The following DOCK5 variants were observed in gnomAD, a reference collection of about 807,000 sequenced individuals.
DOCK5 encodes the protein dedicator of cytokinesis protein 5.
A neutral mutation model predicts 251.8 loss-of-function variants in DOCK5; 142 were observed. The ratio of observed to expected loss-of-function variants is 0.56; its 90% CI spans 0.49 to 0.65. DOCK5 has a LOEUF of 0.65. Ranked by LOEUF, DOCK5 falls within the 30% of genes least tolerant of loss-of-function variation. The probability of loss-of-function intolerance (pLI) is 0.00; values close to 1 mark genes in which losing one functional copy is unlikely to be tolerated. For missense variants in DOCK5, 2,111 were observed against 2,312.3 expected, an observed-to-expected ratio of 0.91 and a Z score of 1.79; for synonymous variants, 842 against 835.5, an observed-to-expected ratio of 1.01 and a Z score of -0.13.
intron 40 of DOCK5, among the ~76,000 whole-genome samples, chr8:25,384,620 C>T (rs1472487762): frequency 6.6e-6 from 1 of 151,720 alleles, no homozygotes; most frequent in Non-Finnish European, 1.5e-5. Context: ...CGACCAGGCC[C>T]AGCTAATTTT....
intron 1 of DOCK5, among the ~76,000 whole-genome samples, chr8:25,230,232 G>A (rs929183310): frequency 1.3e-5 from 2 of 152,092 alleles, no homozygotes; most frequent in African/African-American, 4.8e-5. Flanking sequence ...CAGGAGTTTT[G>A]CAATGTCATC....
In DOCK5 at chr8:25,323,843, T is replaced by G. The variant is rs1162411874; in HGVS notation, c.1616-5T>G. The G allele has an allele frequency of 6.2e-7, 1 of 1,612,258 alleles. No individual in the cohort carries two copies. On this transcript the variant is annotated splice_polypyrimidine_tract_variant and splice_region_variant and intron_variant, in intron 16 of 51. Transcript: ENST00000276440. ...CTGCTCAGACATGTCTTTCTGCCTT[T>G]TCAGCCAGAGATAAATCGGAGCGAG...
chr8:25,291,244 T>A (rs2117149944), intron 5 of DOCK5, among the ~76,000 whole-genome samples: 1 of 152,262 alleles, frequency 6.6e-6, no homozygotes. Flanking sequence ...GACCCACTGT[T>A]TACCCTACAA....
chr8:25,389,267 C>T (rs373398734), intron 41 of DOCK5, 35 bp downstream of exon 41: 8 of 1,604,870 alleles, frequency 5.0e-6, no homozygotes, highest in Non-Finnish European at 6.0e-6. Flanking sequence ...CCCCGAGGCT[C>T]TTATGGCTGT....
At chr8:25,259,666 G>A (rs1235795251) in intron 2 of DOCK5, among the ~76,000 whole-genome samples, 1 of 152,050 alleles carries the variant, frequency 6.6e-6, no homozygotes, top group Non-Finnish European at 1.5e-5. Context: ...TTACTATGTT[G>A]CCCAGGCTGG....
At chr8:25,369,461 C>T (rs535737358) in intron 33 of DOCK5, 95 bp from the exon 34 acceptor site, 38 of 1,030,950 alleles carry the variant, frequency 3.7e-5, no homozygotes, top group Non-Finnish European at 5.1e-5. Context: ...AAACAGTTCA[C>T]AACTCAGCGA....
At chr8:25,301,281 A>G (rs1366737090) in intron 9 of DOCK5, among the ~76,000 whole-genome samples, 1 of 152,160 alleles carries the variant, frequency 6.6e-6, no homozygotes, top group Non-Finnish European at 1.5e-5. Flanking sequence ...GCCACAATAT[A>G]TGTAACTAGT....
chr8:25,335,365 C>G (rs1004388244), intron 21 of DOCK5, among the ~76,000 whole-genome samples: 1 of 152,080 alleles, frequency 6.6e-6, no homozygotes, highest in Non-Finnish European at 1.5e-5. Flanking sequence ...GGTTTACTTG[C>G]AAGACTTGAT....
intron 1 of DOCK5, among the ~76,000 whole-genome samples, chr8:25,187,979 A>G (rs542846559): frequency 6.6e-6 from 1 of 152,314 alleles, no homozygotes; most frequent in Non-Finnish European, 1.5e-5. Flanking sequence ...CCTTGGGTTC[A>G]GTGAATCAGA....
chr8:25,359,356 C>T (rs898534448), intron 28 of DOCK5, among the ~76,000 whole-genome samples: 1 of 147,862 alleles, frequency 6.8e-6, no homozygotes, highest in African/African-American at 2.5e-5. Flanking sequence ...GCTCTGAAAA[C>T]AGGACTTAAT....
rs921884110 is a variant in DOCK5 at position 25,346,651 on chromosome 8, C to T, written c.2754+1040C>T. 1.4e-5 allele frequency among the ~76,000 whole-genome samples: 2 copies of T among 142,092 alleles called. 1 individual carries two copies. Among genetic ancestry groups the T allele is most frequent in the African/African-American group, 5.3e-5 (2 of 37,542 alleles). 93.2% of individuals were successfully genotyped at this position (142,092 alleles called of 152,430 possible). A position where few individuals can be genotyped will look rare whatever the true frequency, so the allele number is the denominator to read the frequency against. On this transcript the variant is annotated intron_variant, in intron 26 of 51. Coordinates refer to ENST00000276440, the MANE Select transcript of DOCK5 (RefSeq NM_024940.8). The stretch of plus-strand genomic sequence containing the variant: ...CCATCCTGGCTAACACAGTGAAACC[C>T]TGTCTCTACTAAAAATACCAAAATT...
At chr8:25,188,603 A>G (rs73214355) in intron 1 of DOCK5, among the ~76,000 whole-genome samples, 4,319 of 152,288 alleles carry the variant, frequency 0.028, 95 homozygotes, top group Non-Finnish European at 0.043. Flanking sequence ...AGGGACTGAA[A>G]TGCAGCCTGT....
chr8:25,250,467 T>C (rs1206363070), intron 2 of DOCK5, among the ~76,000 whole-genome samples: 2 of 152,286 alleles, frequency 1.3e-5, no homozygotes, highest in African/African-American at 4.8e-5. Context: ...GTGGAATGTA[T>C]TTGGCAGCGA....
intron 1 of DOCK5, among the ~76,000 whole-genome samples, chr8:25,238,620 G>A (rs1303160382): frequency 3.9e-5 from 6 of 152,188 alleles, no homozygotes; most frequent in African/African-American, 1.4e-4. Context: ...GGTTGGAGAG[G>A]CAGATTCTCT....
At chr8:25,242,442 G>A (rs969433748) in intron 1 of DOCK5, among the ~76,000 whole-genome samples, 17 of 152,240 alleles carry the variant, frequency 1.1e-4, no homozygotes, top group Admixed American at 2.6e-4. Flanking sequence ...CCAGCAATGC[G>A]GGAGAGTTCT....
intron 26 of DOCK5, among the ~76,000 whole-genome samples, chr8:25,348,243 A>C (rs1379711628): frequency 6.6e-6 from 1 of 151,804 alleles, no homozygotes; most frequent in Non-Finnish European, 1.5e-5. Context: ...TCCTCTCCCC[A>C]CAGCTCTGTT....
At position 25,372,713 on chromosome 8, in the gene DOCK5, G is replaced by T. The variant is rs771407695; in HGVS notation, c.3679G>T (p.Val1227Leu). The part of the protein sequence containing the change: ...KENRMSCTVN[V>L]LNFYKEKKRE... ...GAACCGTATGAGCTGCACTGTGAAC[G>T]TGCTGGTATGTGACATGCCTCCGGT... The change falls in exon 35 of 52, where the codon GTG (valine) becomes TTG (leucine). Residue 1227 changes from valine to leucine, a missense_variant. Physicochemically the swap from Val to Leu is conservative, Grantham distance 32. This residue lies in a region of DOCK5 where 1,717 missense variants were observed against 1,892.4 expected (regional missense o/e 0.91). Coordinates refer to ENST00000276440, the MANE Select transcript of DOCK5 (RefSeq NM_024940.8). 3 of 1,609,688 alleles carry T rather than the reference G, an allele frequency of 1.9e-6. No homozygotes were observed. The East Asian group carries it at 6.7e-5, about 36-fold the overall frequency.
At chr8:25,233,758 A>T (rs1047107731) in intron 1 of DOCK5, among the ~76,000 whole-genome samples, 6 of 148,946 alleles carry the variant, frequency 4.0e-5, no homozygotes, top group East Asian at 1.9e-4. Context: ...TTCACTTTTT[A>T]AAAAATTTTG....
intron 2 of DOCK5, among the ~76,000 whole-genome samples, chr8:25,253,938 C>T (rs1454104156): frequency 6.6e-6 from 1 of 152,166 alleles, no homozygotes; most frequent in East Asian, 1.9e-4. Context: ...GAACAACCAA[C>T]ATGAAGTTGA....
Sources: gnomAD v4.1 joint callset for allele counts (sites outside exome capture counted in the v4.1 genomes callset) on GRCh38, gnomAD v4.1.1 for gene constraint, gnomAD v4.1.1 regional missense constraint, MANE v1.5 for transcripts, NCBI Gene and HGNC (gene_info 2026-07-23, HGNC 2026-07-21) for gene names.